Variants in PDSS2 observed in about 807,000 individuals in gnomAD.
PDSS2 encodes the protein decaprenyl diphosphate synthase subunit 2.
Under a neutral mutation model 44.5 loss-of-function variants are expected in PDSS2, and 31 were observed. The ratio of observed to expected loss-of-function variants is 0.70; its 90% CI spans 0.52 to 0.94. The LOEUF is 0.94. PDSS2 is among the 40% of genes least tolerant of loss of function. The pLI is 0.00. For missense variants in PDSS2, 452 were observed against 482.2 expected, an observed-to-expected ratio of 0.94 and a Z score of 0.59; for synonymous variants, 157 against 180.3, an observed-to-expected ratio of 0.87 and a Z score of 1.03.
intron 7 of PDSS2, among the ~76,000 whole-genome samples, chr6:107,161,474 C>T (rs529098935): frequency 2.2e-5 from 3 of 136,600 alleles, no homozygotes; most frequent in South Asian, 2.4e-4. Context: ...AGCGAGACTC[C>T]GTCTCAGGAA....
intron 6 of PDSS2, among the ~76,000 whole-genome samples, chr6:107,197,017 T>A (rs1456869214): frequency 1.3e-5 from 2 of 152,218 alleles, no homozygotes; most frequent in East Asian, 3.8e-4. Context: ...TGTCTTAACT[T>A]ATGCATCTTC....
chr6:107,341,935 T>C (rs1028932864), intron 1 of PDSS2, among the ~76,000 whole-genome samples: 1 of 152,160 alleles, frequency 6.6e-6, no homozygotes, highest in Non-Finnish European at 1.5e-5. Flanking sequence ...AATATCCCTT[T>C]ACAAATGAGG....
At chr6:107,271,265 C>T (rs1311250926) in intron 3 of PDSS2, among the ~76,000 whole-genome samples, 35 of 151,972 alleles carry the variant, frequency 2.3e-4, no homozygotes. Flanking sequence ...GAAAAAAAAT[C>T]AATACTTAAA....
At chr6:107,224,577 C>T (rs370947655) in intron 4 of PDSS2, among the ~76,000 whole-genome samples, 1 of 151,388 alleles carries the variant, frequency 6.6e-6, no homozygotes. Flanking sequence ...GCCTGACTAC[C>T]TCTGCATATA....
chr6:107,315,468 T>C (rs889995791), intron 2 of PDSS2, among the ~76,000 whole-genome samples: 37 of 152,190 alleles, frequency 2.4e-4, no homozygotes, highest in Admixed American at 2.0e-3. Flanking sequence ...TGAATGTACT[T>C]TCCCCACATT....
chr6:107,449,365 C>G (rs1781791680), intron 1 of PDSS2, among the ~76,000 whole-genome samples: 1 of 152,170 alleles, frequency 6.6e-6, no homozygotes, highest in Admixed American at 6.5e-5. Context: ...TAAGTGTATT[C>G]ACAGTGTTGT....
At chr6:107,376,242 T>C (rs544252212) in intron 1 of PDSS2, among the ~76,000 whole-genome samples, 89 of 152,076 alleles carry the variant, frequency 5.9e-4, no homozygotes, top group South Asian at 5.8e-3. Context: ...CTTGGCGATG[T>C]GGGCTCTTTT....
At chr6:107,389,995 C>T (rs374078603) in intron 1 of PDSS2, among the ~76,000 whole-genome samples, 1 of 151,866 alleles carries the variant, frequency 6.6e-6, no homozygotes, top group South Asian at 2.1e-4. Flanking sequence ...AAAGCTGGAA[C>T]AATTTGAGCA....
intron 1 of PDSS2, among the ~76,000 whole-genome samples, chr6:107,422,960 T>C (rs941156646): frequency 4.6e-5 from 7 of 152,100 alleles, no homozygotes; most frequent in African/African-American, 1.7e-4. Context: ...TTTTTTTACT[T>C]CCATAGAAAA....
rs1179914579 is a variant in PDSS2 at position 107,429,896 on chromosome 6, AAAAAAATATATATAT to A, written c.296+29079_296+29093del. ...CAAAACTTAGTCTCAAAAAAAAAAA[AAAAAAATATATATAT>A]ATATATATATATATATATATATATA... On this transcript the variant is annotated intron_variant, in intron 1 of 7. Transcript: ENST00000369037. 1.0e-3 allele frequency among the ~76,000 whole-genome samples: 45 copies of A among 44,790 alleles called. 3 individuals are homozygous for A. The highest frequency in any genetic ancestry group is 3.6e-3 in the African/African-American group (40 of 11,256). 29.4% of individuals were successfully genotyped at this position (44,790 alleles called of 152,430 possible).
At chr6:107,454,984 G>A (rs1437833806) in intron 1 of PDSS2, among the ~76,000 whole-genome samples, 2 of 152,040 alleles carry the variant, frequency 1.3e-5, no homozygotes, top group African/African-American at 4.8e-5. Context: ...CTGTCTATGA[G>A]TTTAGGCTGT....
chr6:107,185,184 A>G (rs865873199), intron 7 of PDSS2, among the ~76,000 whole-genome samples: 45 of 152,000 alleles, frequency 3.0e-4, no homozygotes, highest in African/African-American at 1.0e-3. Context: ...GAAGAAGAGA[A>G]GAAGAAAGAC....
At chr6:107,431,442 G>T (rs1028969280) in intron 1 of PDSS2, among the ~76,000 whole-genome samples, 1 of 152,118 alleles carries the variant, frequency 6.6e-6, no homozygotes, top group Non-Finnish European at 1.5e-5. Context: ...TAGAGACAAG[G>T]TCTTGCCACA....
chr6:107,193,871 GA>G lies in PDSS2; in HGVS notation c.1009-18del. The G allele has an allele frequency of 6.4e-7, 1 of 1,553,364 alleles. No individual in the cohort carries two copies. Among genetic ancestry groups the G allele is most frequent in the Non-Finnish European group, 8.9e-7 (1 of 1,124,742 alleles). ...TTCTTGAGCCTACAAAAGAAGAGGG[GA>G]AAATTAATTTGTTACTTCTCTAAAA... On this transcript the variant is annotated intron_variant, in intron 6 of 7. Coordinates refer to ENST00000369037, the MANE Select transcript of PDSS2 (RefSeq NM_020381.4).
chr6:107,411,823 G>T (rs1780503830), intron 1 of PDSS2, among the ~76,000 whole-genome samples: 1 of 151,458 alleles, frequency 6.6e-6, no homozygotes, highest in Non-Finnish European at 1.5e-5. Context: ...GGGGGTGGGG[G>T]ATTTCTAGAA....
At chr6:107,253,803 C>T (rs1309777904) in intron 3 of PDSS2, among the ~76,000 whole-genome samples, 4 of 152,064 alleles carry the variant, frequency 2.6e-5, no homozygotes, top group African/African-American at 9.7e-5. Context: ...TGATCACTGA[C>T]TCATTTATTT....
chr6:107,408,355 C>T (rs1780387787), intron 1 of PDSS2, among the ~76,000 whole-genome samples: 2 of 152,182 alleles, frequency 1.3e-5, no homozygotes. Context: ...CACTCCTATA[C>T]TTATTTCTAC....
At position 107,433,438 on chromosome 6, in the gene PDSS2, G is replaced by A. The variant is rs148753941; in HGVS notation, c.296+25552C>T. Among the ~76,000 whole-genome samples the A allele has an allele frequency of 2.5e-4, 38 of 152,222 alleles. 1 individual carries two copies. In the East Asian group the frequency reaches 6.2e-3, roughly 25 times the overall value. On this transcript the variant is annotated intron_variant, in intron 1 of 7. Coordinates refer to ENST00000369037, the MANE Select transcript of PDSS2 (RefSeq NM_020381.4). ...AACAGACACATTAACCAATGGAACA[G>A]AATAGAGAACCCAGAAATAAATTCA... is the stretch of plus-strand genomic sequence containing the variant.
In PDSS2 at chr6:107,267,179, C is replaced by T. The variant is rs1314002577; in HGVS notation, c.630+6850G>A. Among the ~76,000 whole-genome samples the T allele has an allele frequency of 2.0e-5, 3 of 152,054 alleles. No individual in the cohort carries two copies. The East Asian group carries it at 5.8e-4, about 29-fold the overall frequency. ...TGGTTTTCTAAGGTGGCAACTATAC[C>T]GAGGCAAATTACCAAAATGTGGACC... On this transcript the variant is annotated intron_variant, in intron 3 of 7. Coordinates refer to ENST00000369037, the MANE Select transcript of PDSS2 (RefSeq NM_020381.4).
Sources: gnomAD v4.1 joint callset for allele counts (sites outside exome capture counted in the v4.1 genomes callset) on GRCh38, gnomAD v4.1.1 for gene constraint, MANE v1.5 for transcripts, NCBI Gene and HGNC (gene_info 2026-07-23, HGNC 2026-07-21) for gene names.